The following SETD1B variants were observed in gnomAD, a reference collection of about 807,000 sequenced individuals.
The protein encoded by SETD1B is histone-lysine N-methyltransferase SETD1B.
Under a neutral mutation model 148.0 loss-of-function variants are expected in SETD1B, and 7 were observed. The ratio of observed to expected loss-of-function variants is 0.05; its 90% CI spans 0.03 to 0.09. SETD1B has a LOEUF of 0.09. Ranked by LOEUF, SETD1B falls within the 10% of genes least tolerant of loss-of-function variation. The probability of loss-of-function intolerance (pLI) is 1.00; values close to 1 mark genes in which losing one functional copy is unlikely to be tolerated. For synonymous variants in SETD1B, 1,361 were observed against 1,186.5 expected, an observed-to-expected ratio of 1.15 and a Z score of -3.02; for missense variants, 2,155 against 2,729.9, an observed-to-expected ratio of 0.79 and a Z score of 4.69.
At position 121,822,954 on chromosome 12, in the gene SETD1B, T is replaced by C; in HGVS notation, c.4375T>C (p.Ser1459Pro). ...CCCCACTGGCCGACGCGATGAACGC[T>C]CCGGGCCCCTGGCCTCCCCGGTGCT... ...PLPTGRRDER[S>P]GPLASPVLLE... is the part of the protein sequence containing the mutation. Residue 1459 changes from serine to proline, a missense_variant, in exon 12 of 17, where the codon TCC (serine) becomes CCC (proline). Around this residue, in one of 11 missense-constraint regions of SETD1B, gnomAD observed 862 missense variants for 873.8 expected, o/e 0.99. Coordinates refer to ENST00000604567, the MANE Select transcript of SETD1B (RefSeq NM_001353345.2). 3 of 1,538,930 alleles carry C rather than the reference T, an allele frequency of 1.9e-6. No individual in the cohort carries two copies. The highest frequency in any genetic ancestry group is 1.8e-6 in the Non-Finnish European group (2 of 1,141,648).
chr12:121,797,357 CGGCCCCGCCCCGCGTTCGCT>C, the SETD1B span: 4 of 431,570 alleles, frequency 9.3e-6, no homozygotes, highest in Non-Finnish European at 1.9e-5. Context: ...GCGCCAGCAG[CGGCCCCGCCCCGCGTTCGCT>C]GGGTGACCGG....
chr12:121,800,162 C>T (rs187333561), upstream of SETD1B: 1,175 of 152,222 alleles, frequency 7.7e-3, 14 homozygotes, highest in Middle Eastern at 0.027. Flanking sequence ...CAAAGGCCCG[C>T]CCCGCCCGCA....
intron 6 of SETD1B, among the ~76,000 whole-genome samples, chr12:121,812,753 T>A (rs1205410584): frequency 3.3e-5 from 5 of 151,640 alleles, no homozygotes; most frequent in African/African-American, 4.8e-5. Context: ...AGAAGGAGAG[T>A]GTGTGCGTGC....
Position 121,817,698 on chromosome 12 carries a change from A to C in SETD1B, c.3306A>C (p.Ser1102=). 19 of 1,546,094 alleles carry C rather than the reference A, an allele frequency of 1.2e-5. No homozygotes were observed. The highest frequency in any genetic ancestry group is 1.7e-5 in the Non-Finnish European group (19 of 1,142,978). ...CCTCCTCCTCAACCTCATCCACATC[A>C]GATAAGGTGCCTAGCAGGCCAGGAA... ...QLSSSSTSST[S]DKDDDDDDSD... Residue 1102 remains serine (S), a synonymous_variant, in exon 9 of 17, where the codon TCA becomes TCC. Coordinates refer to ENST00000604567, the MANE Select transcript of SETD1B (RefSeq NM_001353345.2). The surrounding 1 kb of genome is among the most constrained non-coding windows in gnomAD (Gnocchi z 8.1).
At chr12:121,824,089 C>T (rs576422219) in intron 12 of SETD1B, among the ~76,000 whole-genome samples, 2 of 152,326 alleles carry the variant, frequency 1.3e-5, no homozygotes, top group African/African-American at 4.8e-5. Flanking sequence ...CAGGTAATCC[C>T]GGTAGCCTGG....
chr12:121,818,686 C>T lies in SETD1B; in HGVS notation c.3419-718C>T, dbSNP rs774313188. 4.2e-4 allele frequency among the ~76,000 whole-genome samples: 64 copies of T among 151,380 alleles called. 1 individual carries two copies. Among genetic ancestry groups the T allele is most frequent in the Admixed American group, 2.0e-4 (3 of 15,204 alleles). ...CAAGTGGATCACGAGGTCAACAGAT[C>T]GAGACCATCCTGGCTAACACGGTGA... On this transcript the variant is annotated intron_variant, in intron 10 of 16. Coordinates refer to ENST00000604567, the MANE Select transcript of SETD1B (RefSeq NM_001353345.2).
upstream of SETD1B, chr12:121,799,734 GGT>G (rs1481375619): frequency 1.4e-4 from 18 of 128,486 alleles, 1 homozygote; most frequent in African/African-American, 3.9e-4. Flanking sequence ...GGGGGGGTGG[GGT>G]GGGGCGGGGC....
the SETD1B span, chr12:121,797,773 A>G: frequency 2.8e-6 from 1 of 356,684 alleles, no homozygotes; most frequent in Non-Finnish European, 5.6e-6. Flanking sequence ...CGTGAGAGCA[A>G]CGGGGTTCAA....
At chr12:121,828,671 G>T (rs1045389563) in intron 16 of SETD1B, among the ~76,000 whole-genome samples, 4 of 152,274 alleles carry the variant, frequency 2.6e-5, no homozygotes, top group Non-Finnish European at 4.4e-5. Context: ...GAAGCTCTGA[G>T]CAGGAGGCAG....
chr12:121,799,674 G>A, upstream of SETD1B: 1 of 145,778 alleles, frequency 6.9e-6, no homozygotes, highest in South Asian at 2.3e-4. Context: ...GACGGGGATG[G>A]ATGGCCCCGG....
In SETD1B at chr12:121,810,304, C is replaced by G; in HGVS notation, c.1359C>G (p.Gly453=). The part of the protein sequence containing the change: ...LAKEKPGTPP[G]PPPPDTNSME... The stretch of plus-strand genomic sequence containing the variant: ...AGGAGAAGCCAGGCACGCCACCCGG[C>G]CCGCCGCCCCCCGACACCAACAGCA... The change falls in exon 6 of 17, where the codon GGC becomes GGG. Residue 453 remains glycine (G), a synonymous_variant. Coordinates refer to ENST00000604567, the MANE Select transcript of SETD1B (RefSeq NM_001353345.2). The surrounding 1 kb of genome is among the most constrained non-coding windows in gnomAD (Gnocchi z 7.6). 6.5e-7 allele frequency: 1 copy of G among 1,542,906 alleles called. No individual in the cohort carries two copies. Among genetic ancestry groups the G allele is most frequent in the Non-Finnish European group, 8.7e-7 (1 of 1,146,470 alleles).
At chr12:121,790,609 C>T in the SETD1B span, among the ~76,000 whole-genome samples, 43 of 152,372 alleles carry the variant, frequency 2.8e-4, no homozygotes, top group Admixed American at 5.2e-4. Context: ...ATGAGCAAGC[C>T]TTCCCTGGTC....
rs1435272623 is a variant in SETD1B, at chr12:121,817,426, C to T, written c.3034C>T (p.Arg1012Trp). 24 of 1,539,472 alleles carry T rather than the reference C, an allele frequency of 1.6e-5. No individual in the cohort carries two copies. Among genetic ancestry groups the T allele is most frequent in the African/African-American group, 5.5e-5 (4 of 72,830 alleles). The part of the protein sequence containing the change: ...MADTPCELAK[R>W]DPKGVGVRRR... The stretch of plus-strand genomic sequence containing the variant: ...AGACACCCCCTGTGAGCTCGCCAAG[C>T]GGGACCCCAAGGGCGTGGGTGTGCG... Residue 1012 changes from arginine (R) to tryptophan (W), a missense_variant, in exon 9 of 17, where the codon CGG becomes TGG. Physicochemically the swap from Arg to Trp is moderately radical, Grantham distance 101. Transcript: ENST00000604567. The surrounding 1 kb of genome is among the most constrained non-coding windows in gnomAD (Gnocchi z 8.1).
At position 121,805,471 on chromosome 12, in the gene SETD1B, A is replaced by T. The variant is rs1026254839; in HGVS notation, c.273+255A>T. 6.6e-6 allele frequency among the ~76,000 whole-genome samples: 1 copy of T among 150,428 alleles called. No homozygotes were observed. Among genetic ancestry groups the T allele is most frequent in the Non-Finnish European group, 1.5e-5 (1 of 67,606 alleles). ...GCCCCGCGGGGGGCTCGGCTCCGAG[A>T]CTCTCCCCTCTCGCTAGCCCACTAC... On this transcript the variant is annotated intron_variant, in intron 3 of 16. Transcript: ENST00000604567. This position sits in a 1 kb window ranked among gnomAD's most constrained non-coding sequence, Gnocchi z 4.2.
At chr12:121,791,198 T>G in the SETD1B span, among the ~76,000 whole-genome samples, 1 of 152,088 alleles carries the variant, frequency 6.6e-6, no homozygotes, top group Non-Finnish European at 1.5e-5. Context: ...CAATCTCGGC[T>G]CACTGCAACC....
intron 16 of SETD1B, 84 bp from the exon 17 acceptor site, chr12:121,829,982 A>C: frequency 7.6e-7 from 1 of 1,313,462 alleles, no homozygotes; most frequent in Non-Finnish European, 1.0e-6. Context: ...CCTTAAGCAC[A>C]GGCCTGGTTG....
Position 121,817,716 on chromosome 12 carries a change from G to A in SETD1B, c.3312+12G>A. On this transcript the variant is annotated intron_variant, in intron 9 of 16. Transcript: ENST00000604567. The surrounding 1 kb of genome is among the most constrained non-coding windows in gnomAD (Gnocchi z 8.1). Reference sequence around the variant, plus strand: ...CCACATCAGATAAGGTGCCTAGCAGGCCAGGAAGCCTCAGGGGGCCGGGCC... The same window carrying A: ...CCACATCAGATAAGGTGCCTAGCAGACCAGGAAGCCTCAGGGGGCCGGGCC... The A allele has an allele frequency of 6.5e-7, 1 of 1,540,578 alleles. No individual in the cohort carries two copies. Among genetic ancestry groups the A allele is most frequent in the Middle Eastern group, 1.7e-4 (1 of 5,956 alleles).
chr12:121,800,958 T>TGGGCCCGCCTGCCAGACCAGCCCGGCC (rs1875321299), upstream of SETD1B: 5 of 152,046 alleles, frequency 3.3e-5, no homozygotes, highest in African/African-American at 1.2e-4. Flanking sequence ...CCTGCCCGGC[T>TGGGCCCGCCTGCCAGACCAGCCCGGCC]GGGCCCGCCT....
chr12:121,799,092 C>T (rs575480101), upstream of SETD1B: 34 of 152,360 alleles, frequency 2.2e-4, no homozygotes, highest in African/African-American at 7.7e-4. Context: ...GGGCACCAGG[C>T]CCGGTGGTCC....
Sources: gnomAD v4.1 joint callset for allele counts (sites outside exome capture counted in the v4.1 genomes callset) on GRCh38, gnomAD v4.1.1 for gene constraint, gnomAD v4.1.1 regional missense constraint, Gnocchi (gnomAD v3.1) non-coding constraint, MANE v1.5 for transcripts, NCBI Gene and HGNC (gene_info 2026-07-23, HGNC 2026-07-21) for gene names.